NLGN1: variants seen among roughly 807,000 people sequenced by gnomAD.
NLGN1 encodes the protein neuroligin 1.
Under a neutral mutation model 65.5 loss-of-function variants are expected in NLGN1, and 12 were observed. The observed-to-expected ratio is 0.18, with a 90% CI of 0.12 to 0.30. The LOEUF (loss-of-function observed/expected upper bound fraction) is 0.30, where lower values mean the gene tolerates loss of function less well. NLGN1 is among the 10% of genes least tolerant of loss of function. NLGN1 has a pLI of 1.00. For synonymous variants in NLGN1, 350 were observed against 359.5 expected (o/e 0.97, Z 0.30); for missense variants, 750 against 1,007.1 (o/e 0.74, Z 3.46).
At chr3:173,544,731 G>C (rs1448137432) in intron 2 of NLGN1, among the ~76,000 whole-genome samples, 2 of 152,044 alleles carry the variant, frequency 1.3e-5, no homozygotes, top group Admixed American at 6.6e-5. Flanking sequence ...TCAGTACATA[G>C]GTGGCAAATT....
intron 4 of NLGN1, among the ~76,000 whole-genome samples, chr3:174,159,408 A>T (rs1726081129): frequency 6.6e-6 from 1 of 151,800 alleles, no homozygotes; most frequent in Non-Finnish European, 1.5e-5. Flanking sequence ...CTCAGCTCTA[A>T]GTATAATATT....
At chr3:174,193,465 G>A (rs1453371696) in intron 4 of NLGN1, among the ~76,000 whole-genome samples, 1 of 152,150 alleles carries the variant, frequency 6.6e-6, no homozygotes, top group Non-Finnish European at 1.5e-5. Flanking sequence ...CAAAAAAGTA[G>A]GTTTTGAACT....
Position 173,513,224 on chromosome 3 carries a change from A to G in NLGN1, c.-321+78146A>G, listed in dbSNP as rs368033163. ...TTCCCCTCCCTCTACTGAAAATGAG[A>G]TTTTTTTTTCCTTTGATAATTGCTG... On this transcript the variant is annotated intron_variant, in intron 2 of 6. Transcript: ENST00000457714. Among the ~76,000 whole-genome samples, 1,306 of 151,642 alleles carry G rather than the reference A, an allele frequency of 8.6e-3. 10 individuals carry two copies. The highest frequency in any genetic ancestry group is 0.029 in the African/African-American group (1,178 of 41,310).
At chr3:174,121,324 A>G (rs1717733298) in intron 4 of NLGN1, among the ~76,000 whole-genome samples, 1 of 152,198 alleles carries the variant, frequency 6.6e-6, no homozygotes, top group Non-Finnish European at 1.5e-5. Flanking sequence ...GAATGTTACT[A>G]GGAATATTAT....
intron 4 of NLGN1, among the ~76,000 whole-genome samples, chr3:174,232,259 G>C (rs957639478): frequency 7.2e-5 from 11 of 152,180 alleles, no homozygotes; most frequent in African/African-American, 2.7e-4. Flanking sequence ...GAGCTTTTGA[G>C]CCAGGATGAG....
intron 4 of NLGN1, among the ~76,000 whole-genome samples, chr3:174,173,771 C>T (rs995596685): frequency 1.4e-4 from 21 of 151,852 alleles, no homozygotes; most frequent in African/African-American, 4.8e-4. Context: ...TTAATTAGCA[C>T]TCTTTCCAAA....
chr3:173,849,998 A>G (rs1053478452), intron 4 of NLGN1, among the ~76,000 whole-genome samples: 6 of 152,136 alleles, frequency 3.9e-5, no homozygotes, highest in Non-Finnish European at 8.8e-5. Context: ...TATTTATTAC[A>G]TATATACACA....
At chr3:173,904,228 T>C (rs896877773) in intron 4 of NLGN1, among the ~76,000 whole-genome samples, 4 of 152,110 alleles carry the variant, frequency 2.6e-5, no homozygotes, top group Non-Finnish European at 5.9e-5. Flanking sequence ...ATGATGTAAA[T>C]ATCTCCCTTT....
At chr3:173,630,316 A>C (rs752737249) in intron 3 of NLGN1, among the ~76,000 whole-genome samples, 1 of 152,184 alleles carries the variant, frequency 6.6e-6, no homozygotes. Context: ...TAAGTTCTAG[A>C]ATCCCTAACT....
chr3:173,691,347 A>G, intron 3 of NLGN1, among the ~76,000 whole-genome samples: 1 of 151,886 alleles, frequency 6.6e-6, no homozygotes, highest in East Asian at 1.9e-4. Flanking sequence ...CTCTGCATTT[A>G]TTGCTTTTAC....
At chr3:173,602,744 T>C (rs1199276638) in intron 2 of NLGN1, among the ~76,000 whole-genome samples, 1 of 151,996 alleles carries the variant, frequency 6.6e-6, no homozygotes, top group African/African-American at 2.4e-5. Flanking sequence ...AAACAGTGCA[T>C]TTTTAACACC....
intron 3 of NLGN1, among the ~76,000 whole-genome samples, chr3:173,625,457 CAT>C (rs1420082687): frequency 6.6e-5 from 10 of 152,050 alleles, no homozygotes; most frequent in Admixed American, 3.3e-4. Flanking sequence ...TAAATGGTGA[CAT>C]GTGTACATTT....
intron 4 of NLGN1, among the ~76,000 whole-genome samples, chr3:174,044,420 A>C (rs1733063444): frequency 6.6e-6 from 1 of 151,658 alleles, no homozygotes; most frequent in African/African-American, 2.4e-5. Context: ...TGAATGCTTT[A>C]CCAGTTAGAA....
intron 4 of NLGN1, among the ~76,000 whole-genome samples, chr3:173,977,092 T>TACAC (rs112753620): frequency 0.19 from 27,787 of 150,146 alleles, 2,692 homozygotes; most frequent in East Asian, 0.33. Context: ...AGGAAAAAGA[T>TACAC]ACACACACAC....
At chr3:173,787,281 A>G (rs1782144042) in intron 3 of NLGN1, among the ~76,000 whole-genome samples, 1 of 152,198 alleles carries the variant, frequency 6.6e-6, no homozygotes, top group African/African-American at 2.4e-5. Context: ...ATTTTAATAC[A>G]GCTGTTTCTA....
chr3:173,611,438 T>A (rs1752275201), intron 3 of NLGN1, among the ~76,000 whole-genome samples: 1 of 152,062 alleles, frequency 6.6e-6, no homozygotes. Context: ...ATAAAAATCA[T>A]GTTTATATGG....
chr3:173,562,057 G>A (rs189024672), intron 2 of NLGN1, among the ~76,000 whole-genome samples: 161 of 152,250 alleles, frequency 1.1e-3, no homozygotes, highest in African/African-American at 3.6e-3. Context: ...TGGTGGGGAA[G>A]CATGAAGACA....
intron 4 of NLGN1, among the ~76,000 whole-genome samples, chr3:173,935,668 A>G (rs1241842957): frequency 6.7e-6 from 1 of 149,304 alleles, no homozygotes; most frequent in Non-Finnish European, 1.5e-5. Context: ...TCTCTGCCTT[A>G]CTGTTAAATT....
rs73880574 is a variant in NLGN1, at chr3:173,766,678, A to G, written c.494-41002A>G. Among the ~76,000 whole-genome samples, 1,189 of 152,314 alleles carry G rather than the reference A, an allele frequency of 7.8e-3. 14 individuals carry two copies. The highest frequency in any genetic ancestry group is 0.027 in the African/African-American group (1,141 of 41,582). ...AGGAGCAGCAGGACCTCCGCATTGA[A>G]TTATCCTAATTGTTAGAATAGTACT... On this transcript the variant is annotated intron_variant, in intron 3 of 6. Coordinates refer to ENST00000457714, the Ensembl canonical transcript of NLGN1.
Sources: gnomAD v4.1 joint callset for allele counts (sites outside exome capture counted in the v4.1 genomes callset) on GRCh38, gnomAD v4.1.1 for gene constraint, MANE v1.5 for transcripts, NCBI Gene and HGNC (gene_info 2026-07-23, HGNC 2026-07-21) for gene names.